The following TGFB3 variants were observed in gnomAD, a reference collection of about 807,000 sequenced individuals.
The protein encoded by TGFB3 is transforming growth factor beta-3 proprotein.
Under a neutral mutation model 40.1 loss-of-function variants are expected in TGFB3, and 5 were observed. That is an observed-to-expected ratio of 0.12 (90% CI 0.07 to 0.26). The LOEUF is 0.26. Ranked by LOEUF, TGFB3 falls within the 10% of genes least tolerant of loss-of-function variation. The pLI, the probability that TGFB3 is intolerant of heterozygous loss-of-function variation, is 1.00. For synonymous variants in TGFB3, 184 were observed against 205.6 expected (o/e 0.89, Z 0.90); for missense variants, 373 against 530.1 (o/e 0.70, Z 2.91).
intron 6 of TGFB3, among the ~76,000 whole-genome samples, chr14:75,960,015 T>C (rs1237675683): frequency 7.6e-6 from 1 of 131,504 alleles, no homozygotes; most frequent in African/African-American, 2.8e-5. Context: ...CAATCTTGGC[T>C]CACTGCAACT....
chr14:75,979,707 C>G lies in TGFB3; in HGVS notation c.352+835G>C, dbSNP rs4252317. ...GGCTCCCAGACATATCCCCCCCCCCCACCATGCACCCACTGCCACCCCTCC... is the reference window on the plus strand; with the variant it reads ...GGCTCCCAGACATATCCCCCCCCCCGACCATGCACCCACTGCCACCCCTCC... On this transcript the variant is annotated intron_variant, in intron 1 of 6. Coordinates refer to ENST00000238682, the MANE Select transcript of TGFB3 (RefSeq NM_003239.5). The surrounding 1 kb of genome is among the most constrained non-coding windows in gnomAD (Gnocchi z 4.8). 6.0e-5 allele frequency among the ~76,000 whole-genome samples: 9 copies of G among 149,294 alleles called. No individual in the cohort carries two copies. Among genetic ancestry groups the G allele is most frequent in the African/African-American group, 2.0e-4 (8 of 40,052 alleles).
chr14:75,982,368 G>T (rs1348858933), upstream of TGFB3, among the ~76,000 whole-genome samples: 1 of 152,260 alleles, frequency 6.6e-6, no homozygotes, highest in Admixed American at 6.5e-5. This position sits in a 1 kb window ranked among gnomAD's most constrained non-coding sequence, Gnocchi z 4.0. Context: ...GGCCGCCCGC[G>T]GGCCAGGCCC....
Position 75,971,798 on chromosome 14 carries a change from G to A in TGFB3, c.353-80C>T. ...TGTGCTGCCAACGGACAGGCACCAAGTGGCCACCGTCCCGCCTGCCACCTC... is the reference window on the plus strand; with the variant it reads ...TGTGCTGCCAACGGACAGGCACCAAATGGCCACCGTCCCGCCTGCCACCTC... On this transcript the variant is annotated intron_variant, in intron 1 of 6. Coordinates refer to ENST00000238682, the MANE Select transcript of TGFB3 (RefSeq NM_003239.5). The surrounding 1 kb of genome is among the most constrained non-coding windows in gnomAD (Gnocchi z 4.5). 2 of 1,538,510 alleles carry A rather than the reference G, an allele frequency of 1.3e-6. No individual in the cohort carries two copies. Among genetic ancestry groups the A allele is most frequent in the Non-Finnish European group, 1.8e-6 (2 of 1,122,354 alleles).
At chr14:75,965,044 C>G (rs2035205294) in intron 4 of TGFB3, among the ~76,000 whole-genome samples, 1 of 152,206 alleles carries the variant, frequency 6.6e-6, no homozygotes, top group South Asian at 2.1e-4. Flanking sequence ...ACTTCGCCAT[C>G]TCTACCCAAA....
chr14:75,965,774 GC>G lies in TGFB3; in HGVS notation c.647-80del, dbSNP rs3917188. 0.079 allele frequency: 93,414 copies of G among 1,179,498 alleles called. 5,207 individuals carry two copies. The highest frequency in any genetic ancestry group is 0.25 in the African/African-American group (16,262 of 66,206). 73.1% of individuals were successfully genotyped at this position (1,179,498 alleles called of 1,614,324 possible). On this transcript the variant is annotated intron_variant, in intron 3 of 6. Coordinates refer to ENST00000238682, the MANE Select transcript of TGFB3 (RefSeq NM_003239.5). ...GTGCCCACCACCCATGCAAGGGTGA[GC>G]CAGGGCCTCTGCTCCTATAGGGACT...
At chr14:75,962,752 G>A (rs1303690039) in intron 5 of TGFB3, among the ~76,000 whole-genome samples, 2 of 152,156 alleles carry the variant, frequency 1.3e-5, no homozygotes, top group Non-Finnish European at 2.9e-5. Context: ...CTTTATAAAT[G>A]AGCAGTGAAA....
Position 75,979,403 on chromosome 14 carries a change from G to C in TGFB3, c.352+1139C>G, listed in dbSNP as rs901094046. ...CACTCCAGGAGCTGCCCACCTCCCA[G>C]GTGGGCCTGGGCTGAGGTAGTCAGG... On this transcript the variant is annotated intron_variant, in intron 1 of 6. Transcript: ENST00000238682. This position sits in a 1 kb window ranked among gnomAD's most constrained non-coding sequence, Gnocchi z 4.8. 4.6e-5 allele frequency among the ~76,000 whole-genome samples: 7 copies of C among 152,078 alleles called. No homozygotes were observed. The highest frequency in any genetic ancestry group is 3.3e-4 in the Admixed American group (5 of 15,276).
Position 75,979,907 on chromosome 14 carries a change from C to T in TGFB3, c.352+635G>A, listed in dbSNP as rs754770400. On this transcript the variant is annotated intron_variant, in intron 1 of 6. Transcript: ENST00000238682. This position sits in a 1 kb window ranked among gnomAD's most constrained non-coding sequence, Gnocchi z 4.8. Reference sequence around the variant, plus strand: ...TAAAGTACACGGCCCTGGGAACATTCGTGCATACCCTCTTCCTTCCACACA... The same window carrying T: ...TAAAGTACACGGCCCTGGGAACATTTGTGCATACCCTCTTCCTTCCACACA... 7.2e-5 allele frequency among the ~76,000 whole-genome samples: 11 copies of T among 152,164 alleles called. No homozygotes were observed. The highest frequency in any genetic ancestry group is 1.7e-4 in the African/African-American group (7 of 41,454).
chr14:75,979,534 A>C lies in TGFB3; in HGVS notation c.352+1008T>G, dbSNP rs866515699. ...TTTCCTGGGCTGTCAGTTTCTCAAC[A>C]TCTGCCAAATTTCTCTCTCTTGTAT... On this transcript the variant is annotated intron_variant, in intron 1 of 6. Coordinates refer to ENST00000238682, the MANE Select transcript of TGFB3 (RefSeq NM_003239.5). This position sits in a 1 kb window ranked among gnomAD's most constrained non-coding sequence, Gnocchi z 4.8. Among the ~76,000 whole-genome samples, 3 of 152,118 alleles carry C rather than the reference A, an allele frequency of 2.0e-5. No homozygotes were observed. The highest frequency in any genetic ancestry group is 4.4e-5 in the Non-Finnish European group (3 of 68,018).
intron 5 of TGFB3, 44 bp from the exon 6 acceptor site, chr14:75,961,120 A>G: frequency 1.2e-6 from 2 of 1,610,066 alleles, no homozygotes; most frequent in Admixed American, 1.7e-5. Context: ...AAAACCACCA[A>G]TAAAAGAAAC....
At chr14:75,977,852 T>C (rs926550758) in intron 1 of TGFB3, among the ~76,000 whole-genome samples, 1 of 152,040 alleles carries the variant, frequency 6.6e-6, no homozygotes, top group African/African-American at 2.4e-5. Flanking sequence ...TTACAACGTG[T>C]ATTTTACATA....
chr14:75,973,870 G>A (rs2035322113), intron 1 of TGFB3, among the ~76,000 whole-genome samples: 1 of 152,242 alleles, frequency 6.6e-6, no homozygotes, highest in Non-Finnish European at 1.5e-5. Context: ...GGCCGGGCAC[G>A]GTGGCTCACG....
chr14:75,972,919 A>G (rs2035310958), intron 1 of TGFB3, among the ~76,000 whole-genome samples: 1 of 152,314 alleles, frequency 6.6e-6, no homozygotes, highest in Admixed American at 6.5e-5. Context: ...GTGTGTCACC[A>G]TTGGCTCCTT....
intron 1 of TGFB3, among the ~76,000 whole-genome samples, chr14:75,972,732 C>A (rs1265812421): frequency 6.6e-6 from 1 of 152,168 alleles, no homozygotes; most frequent in African/African-American, 2.4e-5. Flanking sequence ...TGGGGTCCAC[C>A]TGTCAGACTA....
At chr14:75,976,002 T>C (rs2035349655) in intron 1 of TGFB3, among the ~76,000 whole-genome samples, 1 of 152,256 alleles carries the variant, frequency 6.6e-6, no homozygotes, top group African/African-American at 2.4e-5. Context: ...GAATGCCATT[T>C]TCTCTATTTT....
chr14:75,973,688 A>G (rs2035319984), intron 1 of TGFB3, among the ~76,000 whole-genome samples: 1 of 152,228 alleles, frequency 6.6e-6, no homozygotes, highest in South Asian at 2.1e-4. Flanking sequence ...TCCAGATTGC[A>G]GTGAGCCAGG....
intron 5 of TGFB3, among the ~76,000 whole-genome samples, chr14:75,962,862 C>T (rs144113599): frequency 9.1e-4 from 139 of 152,318 alleles, no homozygotes; most frequent in African/African-American, 3.3e-3. Context: ...TCCAACTTTC[C>T]GTTCAAATGG....
At chr14:75,963,551 T>C (rs1043463054) in intron 4 of TGFB3, 64 bp from the exon 5 acceptor site, 3 of 1,595,606 alleles carry the variant, frequency 1.9e-6, no homozygotes, top group Admixed American at 1.7e-5. Flanking sequence ...GGAGGCTGCC[T>C]CCTCCACACG....
Position 75,959,018 on chromosome 14 carries a change from G to T in TGFB3, c.*169C>A. On this transcript the variant is annotated 3_prime_UTR_variant, in exon 7 of 7. Transcript: ENST00000238682. ...TTTACCACCGTGATTCTCAGAGCCA[G>T]CAAGAAAGAAATGTTCCAAAAGGAA... 1.2e-6 allele frequency: 1 copy of T among 803,626 alleles called. No individual in the cohort carries two copies. Among genetic ancestry groups the T allele is most frequent in the Non-Finnish European group, 2.1e-6 (1 of 480,578 alleles). The allele number at this position is 803,626 out of a possible 1,614,324, so 49.8% of individuals were successfully genotyped here. A position where few individuals can be genotyped will look rare whatever the true frequency, so the allele number is the denominator to read the frequency against.
Sources: allele counts gnomAD v4.1 joint callset (sites outside exome capture counted in the v4.1 genomes callset), GRCh38; gene constraint gnomAD v4.1.1; non-coding constraint Gnocchi (gnomAD v3.1); transcripts MANE v1.5; gene names NCBI Gene and HGNC (gene_info 2026-07-23, HGNC 2026-07-21).